The following CHD9 variants were observed in gnomAD, a reference collection of about 807,000 sequenced individuals.
CHD9 encodes the protein chromodomain helicase DNA binding protein 9, also known as ATP-dependent chromatin remodeler CHD9.
Under a neutral mutation model 316.1 loss-of-function variants are expected in CHD9, and 77 were observed. The observed-to-expected ratio is 0.24, with a 90% CI of 0.20 to 0.29. The LOEUF is 0.29. Ranked by LOEUF, CHD9 falls within the 10% of genes least tolerant of loss-of-function variation. The probability of loss-of-function intolerance (pLI) is 1.00; values close to 1 mark genes in which losing one functional copy is unlikely to be tolerated. For missense variants in CHD9, 2,763 were observed against 3,438.1 expected, an observed-to-expected ratio of 0.80 and a Z score of 4.91; for synonymous variants, 1,129 against 1,158.3, an observed-to-expected ratio of 0.97 and a Z score of 0.51.
chr16:53,157,244 T>C lies in CHD9; in HGVS notation c.1155T>C (p.Ser385=). 6.2e-7 allele frequency: 1 copy of C among 1,600,328 alleles called. No individual in the cohort carries two copies. Among genetic ancestry groups the C allele is most frequent in the Admixed American group, 1.7e-5 (1 of 57,304 alleles). Residue 385 remains serine (S), a synonymous_variant, in exon 2 of 39, where the codon TCT becomes TCC. Coordinates refer to ENST00000447540, the MANE Select transcript of CHD9 (RefSeq NM_001308319.2). ...NDHVETNGFS[S]LEENLLHQVE... is the part of the protein sequence containing the mutation. Reference sequence around the variant, plus strand: ...ATGTAGAAACTAATGGCTTTTCATCTTTAGAAGAGAATTTACTTCATCAAG... The same window carrying C: ...ATGTAGAAACTAATGGCTTTTCATCCTTAGAAGAGAATTTACTTCATCAAG...
chr16:53,166,448 T>G (rs2042273664), intron 2 of CHD9, among the ~76,000 whole-genome samples: 1 of 152,090 alleles, frequency 6.6e-6, no homozygotes, highest in Non-Finnish European at 1.5e-5. Context: ...TCAGAAAATT[T>G]TGTTGTATTT....
chr16:53,156,696 T>C lies in CHD9; in HGVS notation c.607T>C (p.Ser203Pro). Reference sequence around the variant, plus strand: ...CCAGTCTAAAAATTTTATGAATGTTTCTGGTCCACATAGAGTCAATGTTAA... The same window carrying C: ...CCAGTCTAAAAATTTTATGAATGTTCCTGGTCCACATAGAGTCAATGTTAA... ...LSQSKNFMNVSGPHRVNVNHP... is the reference protein window; with the variant it reads ...LSQSKNFMNVPGPHRVNVNHP... The change falls in exon 2 of 39, where the codon TCT becomes CCT. Residue 203 changes from serine to proline, a missense_variant. This residue lies in a region of CHD9 where 859 missense variants were observed against 890.4 expected (regional missense o/e 0.96). Coordinates refer to ENST00000447540, the MANE Select transcript of CHD9 (RefSeq NM_001308319.2). 2 of 1,614,008 alleles carry C rather than the reference T, an allele frequency of 1.2e-6. No homozygotes were observed. The highest frequency in any genetic ancestry group is 2.2e-5 in the South Asian group (2 of 91,078).
At chr16:53,075,486 C>T (rs2034446235) in intron 1 of CHD9, among the ~76,000 whole-genome samples, 1 of 152,116 alleles carries the variant, frequency 6.6e-6, no homozygotes, top group African/African-American at 2.4e-5. Flanking sequence ...TTGAATTGTA[C>T]TCCCATAAAT....
Position 53,304,547 on chromosome 16 carries a change from T to C in CHD9, c.6541T>C (p.Ser2181Pro). The C allele has an allele frequency of 6.5e-7, 1 of 1,545,454 alleles. No individual in the cohort carries two copies. Among genetic ancestry groups the C allele is most frequent in the Non-Finnish European group, 8.8e-7 (1 of 1,141,122 alleles). ...TTCAGCATCTTCTTCATCCTCTTCC[T>C]CCACCTCTTCCTCCTCCTCCTCCTC... ...CSSASSSSSSSTSSSSSSSSS... is the reference protein window; with the variant it reads ...CSSASSSSSSPTSSSSSSSSS... Residue 2181 changes from serine (S) to proline (P), a missense_variant, in exon 31 of 39, where the codon TCC becomes CCC. By Grantham distance (74) the Ser-to-Pro change is moderately conservative. This residue lies in a region of CHD9 where 663 missense variants were observed against 751.2 expected (regional missense o/e 0.88). Transcript: ENST00000447540.
At chr16:53,233,505 C>T (rs2048355274) in intron 10 of CHD9, among the ~76,000 whole-genome samples, 1 of 152,102 alleles carries the variant, frequency 6.6e-6, no homozygotes, top group Non-Finnish European at 1.5e-5. Flanking sequence ...TTCACTAAAC[C>T]CTGTCCTCTT....
chr16:53,262,631 A>G (rs957436086), intron 19 of CHD9, among the ~76,000 whole-genome samples: 6 of 152,180 alleles, frequency 3.9e-5, no homozygotes, highest in Non-Finnish European at 2.9e-5. Flanking sequence ...TAGTGCAGGC[A>G]GGTTTGGAAA....
At position 53,146,419 on chromosome 16, in the gene CHD9, G is replaced by GTGTATATATATATATATATA. The variant is rs1555492145; in HGVS notation, c.-164-9506_-164-9505insGTATATATATATATATATAT. The stretch of plus-strand genomic sequence containing the variant: ...AAAAAAAAATTGTGTGTGTGTGTAT[G>GTGTATATATATATATATATA]TATATATATATATATATAATTAAAA... On this transcript the variant is annotated intron_variant, in intron 1 of 38. Transcript: ENST00000447540. Among the ~76,000 whole-genome samples, 12 of 76,706 alleles carry GTGTATATATATATATATATA rather than the reference G, an allele frequency of 1.6e-4. 1 individual carries two copies. The highest frequency in any genetic ancestry group is 3.0e-4 in the African/African-American group (5 of 16,906). 50.3% of individuals were successfully genotyped at this position (76,706 alleles called of 152,430 possible).
At chr16:53,074,193 G>A (rs2034332996) in intron 1 of CHD9, among the ~76,000 whole-genome samples, 1 of 152,168 alleles carries the variant, frequency 6.6e-6, no homozygotes, top group South Asian at 2.1e-4. Flanking sequence ...GAGATTTGTG[G>A]AACTTTGAAA....
intron 2 of CHD9, among the ~76,000 whole-genome samples, chr16:53,194,896 C>T (rs771514557): frequency 6.6e-6 from 1 of 152,104 alleles, no homozygotes; most frequent in Non-Finnish European, 1.5e-5. Context: ...TGGAATGTCA[C>T]AGTAATAAAA....
chr16:53,109,936 G>C (rs370710788), intron 1 of CHD9, among the ~76,000 whole-genome samples: 1 of 151,626 alleles, frequency 6.6e-6, no homozygotes, highest in Non-Finnish European at 1.5e-5. Flanking sequence ...CGCCCGCCTC[G>C]GCCTCCCAAA....
chr16:53,093,337 G>C (rs1304893858), intron 1 of CHD9, among the ~76,000 whole-genome samples: 2 of 152,136 alleles, frequency 1.3e-5, no homozygotes, highest in Non-Finnish European at 2.9e-5. Context: ...CCATTTATTG[G>C]GTTGTTGTAA....
intron 1 of CHD9, among the ~76,000 whole-genome samples, chr16:53,101,093 A>T (rs1248880581): frequency 9.9e-5 from 15 of 152,154 alleles, no homozygotes; most frequent in Non-Finnish European, 2.1e-4. Flanking sequence ...GCCTCTGGCT[A>T]CATTAGGATT....
chr16:53,145,429 G>A (rs2040491844), intron 1 of CHD9, among the ~76,000 whole-genome samples: 1 of 151,406 alleles, frequency 6.6e-6, no homozygotes, highest in South Asian at 2.1e-4. Context: ...GAGATTACAG[G>A]CATGAGCCAC....
chr16:53,301,818 T>G (rs1432476651), intron 30 of CHD9, among the ~76,000 whole-genome samples: 1 of 150,238 alleles, frequency 6.7e-6, no homozygotes, highest in Non-Finnish European at 1.5e-5. Flanking sequence ...CAGGCTGGTA[T>G]GCAGTGGCGT....
intron 22 of CHD9, among the ~76,000 whole-genome samples, chr16:53,271,957 A>G (rs1340845085): frequency 6.6e-6 from 1 of 152,176 alleles, no homozygotes; most frequent in Non-Finnish European, 1.5e-5. Flanking sequence ...TTATCATTCC[A>G]GCAAAACAAA....
At chr16:53,286,472 A>T in intron 26 of CHD9, 129 bp downstream of exon 26, 1 of 590,506 alleles carries the variant, frequency 1.7e-6, no homozygotes, top group Non-Finnish European at 3.0e-6. Context: ...AATCTGAAAG[A>T]GCTAAAGATA....
chr16:53,296,995 A>G lies in CHD9; in HGVS notation c.5550A>G (p.Val1850=), dbSNP rs370916945. 1.9e-6 allele frequency: 3 copies of G among 1,613,530 alleles called. No individual in the cohort carries two copies. The highest frequency in any genetic ancestry group is 3.3e-5 in the Admixed American group (2 of 59,978). Residue 1850 remains valine, a synonymous_variant, in exon 30 of 39, where the codon GTA becomes GTG. Transcript: ENST00000447540. Reference sequence around the variant, plus strand: ...AAGAAGCTGACTTTTATAGGGTTGTATCTACATTTGGAGTGGTTTTTGACC... The same window carrying G: ...AAGAAGCTGACTTTTATAGGGTTGTGTCTACATTTGGAGTGGTTTTTGACC... ...RREEADFYRV[V]STFGVVFDPD... is the part of the protein sequence containing the mutation.
Position 53,192,665 on chromosome 16 carries a change from C to A in CHD9, c.1453-16817C>A, listed in dbSNP as rs530953848. On this transcript the variant is annotated intron_variant, in intron 2 of 38. Transcript: ENST00000447540. ...ACTCAGTCTTTCCCCTAACCCTAGACCCTGGCAACCAATGATTAATTTTTT... is the reference window on the plus strand; with the variant it reads ...ACTCAGTCTTTCCCCTAACCCTAGAACCTGGCAACCAATGATTAATTTTTT... Among the ~76,000 whole-genome samples, 106 of 152,288 alleles carry A rather than the reference C, an allele frequency of 7.0e-4. 1 individual carries two copies. Among genetic ancestry groups the A allele is most frequent in the Middle Eastern group, 3.4e-3 (1 of 294 alleles).
At chr16:53,188,968 AGGAG>A (rs2044268221) in intron 2 of CHD9, among the ~76,000 whole-genome samples, 1 of 151,842 alleles carries the variant, frequency 6.6e-6, no homozygotes, top group Non-Finnish European at 1.5e-5. Flanking sequence ...ACTGATTTGT[AGGAG>A]TTATTTATAT....
Sources: allele counts gnomAD v4.1 joint callset (sites outside exome capture counted in the v4.1 genomes callset), GRCh38; gene constraint gnomAD v4.1.1; regional missense constraint gnomAD v4.1.1; transcripts MANE v1.5; gene names NCBI Gene and HGNC (gene_info 2026-07-23, HGNC 2026-07-21).